The following RBFOX3 variants were observed in gnomAD, a reference collection of about 807,000 sequenced individuals.
RBFOX3 encodes the protein RNA binding protein fox-1 homolog 3.
RBFOX3 carries 17 observed loss-of-function variants against 48.7 expected under a neutral mutation model. That is an observed-to-expected ratio of 0.35 (90% CI 0.24 to 0.52). The LOEUF is 0.52. RBFOX3 is among the 20% of genes least tolerant of loss of function. The probability of loss-of-function intolerance (pLI) is 0.94; values close to 1 mark genes in which losing one functional copy is unlikely to be tolerated. For missense variants in RBFOX3, 382 were observed against 497.5 expected (o/e 0.77, Z 2.21); for synonymous variants, 212 against 209.5 (o/e 1.01, Z -0.10).
intron 4 of RBFOX3, among the ~76,000 whole-genome samples, chr17:79,215,022 G>C (rs1338517292): frequency 6.6e-6 from 1 of 152,088 alleles, no homozygotes; most frequent in Non-Finnish European, 1.5e-5. Flanking sequence ...AAGACCCAGC[G>C]GCTGCAGGGC....
At chr17:79,217,506 G>C (rs1230517561) in intron 4 of RBFOX3, among the ~76,000 whole-genome samples, 2 of 152,174 alleles carry the variant, frequency 1.3e-5, no homozygotes, top group African/African-American at 4.8e-5. Context: ...CAGATACCAG[G>C]AACAAGAACT....
At chr17:79,514,969 C>A (rs1020253433) in intron 1 of RBFOX3, among the ~76,000 whole-genome samples, 1 of 152,174 alleles carries the variant, frequency 6.6e-6, no homozygotes, top group Non-Finnish European at 1.5e-5. Flanking sequence ...TCCTAATCCC[C>A]ACTTCCCTAG....
At chr17:79,146,869 C>T (rs185540571) in intron 4 of RBFOX3, among the ~76,000 whole-genome samples, 10 of 152,274 alleles carry the variant, frequency 6.6e-5, no homozygotes, top group South Asian at 4.1e-4. Context: ...CTGAGGAGGG[C>T]GGGTGCCCCT....
intron 4 of RBFOX3, among the ~76,000 whole-genome samples, chr17:79,153,729 G>A (rs2045122432): frequency 6.6e-6 from 1 of 152,198 alleles, no homozygotes; most frequent in Non-Finnish European, 1.5e-5. Flanking sequence ...CCCACCACCT[G>A]CACCTGGGCA....
At chr17:79,468,812 A>C (rs2076668247) in intron 2 of RBFOX3, among the ~76,000 whole-genome samples, 1 of 145,192 alleles carries the variant, frequency 6.9e-6, no homozygotes. Flanking sequence ...AGACAGGAAG[A>C]CAGGCAGGAG....
At chr17:79,397,509 G>C (rs77938719) in intron 2 of RBFOX3, among the ~76,000 whole-genome samples, 3 of 134,352 alleles carry the variant, frequency 2.2e-5, no homozygotes, top group African/African-American at 5.5e-5. Context: ...AAAAAAAAAA[G>C]TGCGACCCCC....
intron 2 of RBFOX3, among the ~76,000 whole-genome samples, chr17:79,339,242 G>A (rs761878491): frequency 2.6e-5 from 4 of 152,116 alleles, no homozygotes; most frequent in Non-Finnish European, 5.9e-5. Context: ...TGTTTGTAGA[G>A]ACAGGGTTTT....
chr17:79,255,658 T>C (rs571849486), intron 3 of RBFOX3, among the ~76,000 whole-genome samples: 2 of 152,020 alleles, frequency 1.3e-5, no homozygotes, highest in Non-Finnish European at 2.9e-5. Context: ...CAACACTGCA[T>C]GGGCAGGGTG....
chr17:79,250,375 G>A (rs1206944403), intron 3 of RBFOX3, among the ~76,000 whole-genome samples: 14 of 152,236 alleles, frequency 9.2e-5, no homozygotes, highest in Admixed American at 9.2e-4. Flanking sequence ...TCTTTGCTGA[G>A]ACGGAACACG....
chr17:79,482,846 G>A lies in RBFOX3; in HGVS notation c.-319-248C>T, dbSNP rs376718769. On this transcript the variant is annotated intron_variant, in intron 1 of 14. Coordinates refer to ENST00000693108, the MANE Select transcript of RBFOX3 (RefSeq NM_001350451.2). The surrounding 1 kb of genome is among the most constrained non-coding windows in gnomAD (Gnocchi z 4.1). Reference sequence around the variant, plus strand: ...AGGACCCTATTGCCAAACAGCCACCGTGCAGTCCATCCCAGGGTCCGCCCC... The same window carrying A: ...AGGACCCTATTGCCAAACAGCCACCATGCAGTCCATCCCAGGGTCCGCCCC... Among the ~76,000 whole-genome samples, 27 of 152,002 alleles carry A rather than the reference G, an allele frequency of 1.8e-4. No homozygotes were observed. Among genetic ancestry groups the A allele is most frequent in the Middle Eastern group, 3.4e-3 (1 of 294 alleles).
intron 2 of RBFOX3, among the ~76,000 whole-genome samples, chr17:79,469,914 G>A (rs2076850680): frequency 6.6e-6 from 1 of 152,154 alleles, no homozygotes; most frequent in Non-Finnish European, 1.5e-5. Flanking sequence ...GCATGAGAGA[G>A]AGCACGCATG....
upstream of RBFOX3, among the ~76,000 whole-genome samples, chr17:79,611,130 TTCTCTCTCTC>T (rs1173570495): frequency 3.2e-4 from 12 of 37,840 alleles, no homozygotes; most frequent in African/African-American, 2.8e-3. Context: ...TCCGCCCTCC[TTCTCTCTCTC>T]TCTCTCTCTC....
chr17:79,164,606 G>A (rs1312172162), intron 4 of RBFOX3, among the ~76,000 whole-genome samples: 1 of 152,218 alleles, frequency 6.6e-6, no homozygotes, highest in Non-Finnish European at 1.5e-5. Context: ...AGCGTCAGGT[G>A]CGGCCACAGC....
At chr17:79,576,864 C>G (rs2092880541) in intron 1 of RBFOX3, among the ~76,000 whole-genome samples, 1 of 152,124 alleles carries the variant, frequency 6.6e-6, no homozygotes, top group East Asian at 1.9e-4. Flanking sequence ...CCAGAGAACC[C>G]TGACTGATAC....
chr17:79,436,124 T>C (rs1555731010), intron 2 of RBFOX3, among the ~76,000 whole-genome samples: 8 of 151,518 alleles, frequency 5.3e-5, no homozygotes, highest in Non-Finnish European at 1.2e-4. Context: ...CAGAGCGGGG[T>C]TCTAGAAGAA....
At chr17:79,297,953 AC>A (rs1483566732) in intron 3 of RBFOX3, among the ~76,000 whole-genome samples, 1 of 152,250 alleles carries the variant, frequency 6.6e-6, no homozygotes, top group East Asian at 1.9e-4. Flanking sequence ...GGAAGATGTA[AC>A]GGGTGGTAGT....
chr17:79,356,536 T>A (rs1400942662), intron 2 of RBFOX3, among the ~76,000 whole-genome samples: 1 of 151,566 alleles, frequency 6.6e-6, no homozygotes, highest in Admixed American at 6.6e-5. Context: ...GTCCAGCTAA[T>A]TTTTGTATTT....
In RBFOX3 at chr17:79,225,920, C is replaced by T. The variant is rs761926353; in HGVS notation, c.-34+9846G>A. On this transcript the variant is annotated intron_variant, in intron 4 of 14. Coordinates refer to ENST00000693108, the MANE Select transcript of RBFOX3 (RefSeq NM_001350451.2). The stretch of plus-strand genomic sequence containing the variant: ...GAAAATTGTCTTGCATGTCAAAGGG[C>T]GACAGTGGTGGGGGAAGCAGGATGG... Among the ~76,000 whole-genome samples, 3 of 145,286 alleles carry T rather than the reference C, an allele frequency of 2.1e-5. No homozygotes were observed. In the South Asian group the frequency reaches 6.5e-4, roughly 32 times the overall value.
intron 2 of RBFOX3, among the ~76,000 whole-genome samples, chr17:79,457,339 T>C (rs2074677272): frequency 6.6e-6 from 1 of 152,200 alleles, no homozygotes; most frequent in Non-Finnish European, 1.5e-5. Flanking sequence ...GTGTGTGCCA[T>C]CACTCCTCAC....
Sources: gnomAD v4.1 joint callset for allele counts (sites outside exome capture counted in the v4.1 genomes callset) on GRCh38, gnomAD v4.1.1 for gene constraint, Gnocchi (gnomAD v3.1) non-coding constraint, MANE v1.5 for transcripts, NCBI Gene and HGNC (gene_info 2026-07-23, HGNC 2026-07-21) for gene names.